The following DSCAM variants were observed in gnomAD, a reference collection of about 807,000 sequenced individuals.
The protein encoded by DSCAM is DS cell adhesion molecule.
A neutral mutation model predicts 217.7 loss-of-function variants in DSCAM; 47 were observed. The ratio of observed to expected loss-of-function variants is 0.22; its 90% confidence interval spans 0.17 to 0.28. The LOEUF (loss-of-function observed/expected upper bound fraction) is 0.28. Among genes scored for constraint, DSCAM ranks in the 10% least tolerant of loss-of-function variants. DSCAM has a pLI of 1.00. For synonymous variants in DSCAM, 1,056 were observed against 1,015.3 expected (o/e 1.04, Z -0.76); for missense variants, 2,080 against 2,618.3 (o/e 0.79, Z 4.49).
intron 3 of DSCAM, among the ~76,000 whole-genome samples, chr21:40,444,680 C>T (rs1352887414): frequency 6.6e-6 from 1 of 152,198 alleles, no homozygotes; most frequent in Non-Finnish European, 1.5e-5. Context: ...TGGGCCTGAT[C>T]CTCTTATCTG....
At chr21:40,019,633 CAGA>C (rs1374959167) in intron 32 of DSCAM, among the ~76,000 whole-genome samples, 2 of 152,128 alleles carry the variant, frequency 1.3e-5, no homozygotes, top group Non-Finnish European at 2.9e-5. Context: ...AGCAGGGATC[CAGA>C]AGAAGTCCAA....
intron 3 of DSCAM, among the ~76,000 whole-genome samples, chr21:40,548,512 A>AT (rs60589247): frequency 0.12 from 16,133 of 131,106 alleles, 1,072 homozygotes; most frequent in Non-Finnish European, 0.16. Context: ...GTAAAAAAAA[A>AT]AATATATATA....
intron 30 of DSCAM, among the ~76,000 whole-genome samples, chr21:40,050,897 A>G (rs1482694719): frequency 1.3e-5 from 2 of 152,252 alleles, no homozygotes. Flanking sequence ...TAAGAAGATT[A>G]GACAAAAGGA....
chr21:40,287,255 C>A (rs985154324), intron 10 of DSCAM, among the ~76,000 whole-genome samples: 1 of 152,226 alleles, frequency 6.6e-6, no homozygotes, highest in African/African-American at 2.4e-5. Flanking sequence ...CAGTGTGAGC[C>A]CTCTCTTGAC....
intron 1 of DSCAM, among the ~76,000 whole-genome samples, chr21:40,784,734 C>A (rs1187159582): frequency 1.3e-5 from 2 of 152,164 alleles, no homozygotes; most frequent in Non-Finnish European, 2.9e-5. Context: ...TGTTTCCTTT[C>A]CACTGTGAGA....
At chr21:40,201,771 G>A (rs1178446057) in intron 11 of DSCAM, among the ~76,000 whole-genome samples, 2 of 152,078 alleles carry the variant, frequency 1.3e-5, no homozygotes, top group African/African-American at 4.8e-5. Context: ...GTAGAAAAAG[G>A]AAAATAGTAA....
intron 32 of DSCAM, among the ~76,000 whole-genome samples, chr21:40,018,817 A>G (rs866090098): frequency 1.3e-5 from 2 of 152,366 alleles, no homozygotes; most frequent in Middle Eastern, 3.4e-3. Flanking sequence ...ACATCTTTAC[A>G]TGCAATGCCT....
intron 3 of DSCAM, among the ~76,000 whole-genome samples, chr21:40,648,948 C>A (rs1382618553): frequency 2.0e-5 from 3 of 152,190 alleles, no homozygotes; most frequent in Admixed American, 6.5e-5. Context: ...TATAGGACAG[C>A]AAGCTCAGCG....
chr21:40,649,728 G>A lies in DSCAM; in HGVS notation c.508+43082C>T, dbSNP rs79861345. On this transcript the variant is annotated intron_variant, in intron 3 of 32. Transcript: ENST00000400454. ...CACAGTGAGGTCACAAAATAGAGAT[G>A]TTGTGCAGGAAAGGTTCAGTTGAGC... Among the ~76,000 whole-genome samples the A allele has an allele frequency of 3.9e-4, 59 of 152,332 alleles. No individual in the cohort carries two copies. The East Asian group carries it at 8.9e-3, about 23-fold the overall frequency.
intron 3 of DSCAM, among the ~76,000 whole-genome samples, chr21:40,673,315 T>C (rs2146405608): frequency 6.6e-6 from 1 of 152,286 alleles, no homozygotes; most frequent in South Asian, 2.1e-4. Context: ...AAAAATGGAA[T>C]TAGAATCCAA....
chr21:40,460,264 G>A (rs1180399303), intron 3 of DSCAM, among the ~76,000 whole-genome samples: 1 of 151,758 alleles, frequency 6.6e-6, no homozygotes, highest in East Asian at 1.9e-4. Context: ...ATCCTGCACA[G>A]GTACCCCAGA....
chr21:40,774,074 A>G (rs2123400131), intron 1 of DSCAM, among the ~76,000 whole-genome samples: 1 of 152,304 alleles, frequency 6.6e-6, no homozygotes, highest in South Asian at 2.1e-4. Context: ...CTGTCCAACA[A>G]CCAGAAGGGA....
chr21:40,478,458 T>C (rs1428312420), intron 3 of DSCAM, among the ~76,000 whole-genome samples: 1 of 152,214 alleles, frequency 6.6e-6, no homozygotes, highest in Non-Finnish European at 1.5e-5. Flanking sequence ...CCAAAGTGAT[T>C]GCATGACCTT....
At chr21:40,421,971 T>G (rs946126346) in intron 3 of DSCAM, among the ~76,000 whole-genome samples, 4 of 152,308 alleles carry the variant, frequency 2.6e-5, no homozygotes, top group Admixed American at 2.6e-4. Context: ...GAGCATGTAA[T>G]GCATATGGAG....
intron 3 of DSCAM, among the ~76,000 whole-genome samples, chr21:40,563,656 ATG>A (rs1491398012): frequency 2.4e-5 from 3 of 124,520 alleles, no homozygotes; most frequent in African/African-American, 1.0e-4. Context: ...TTATATGTTT[ATG>A]TTTGTTTATA....
intron 3 of DSCAM, among the ~76,000 whole-genome samples, chr21:40,476,477 A>G (rs937381408): frequency 2.6e-5 from 4 of 152,246 alleles, no homozygotes; most frequent in African/African-American, 9.6e-5. Flanking sequence ...TCATAATAAT[A>G]TTGATGATGA....
intron 8 of DSCAM, among the ~76,000 whole-genome samples, chr21:40,313,853 G>C (rs1013889724): frequency 4.6e-5 from 7 of 152,268 alleles, no homozygotes; most frequent in South Asian, 4.1e-4. Flanking sequence ...GATTAATCAT[G>C]TGATAATCTA....
At chr21:40,362,593 C>T (rs1389075309) in intron 4 of DSCAM, among the ~76,000 whole-genome samples, 1 of 152,120 alleles carries the variant, frequency 6.6e-6, no homozygotes, top group Non-Finnish European at 1.5e-5. Flanking sequence ...TGTGTCATTT[C>T]GTTCGCATTC....
chr21:40,431,839 TG>T (rs774951212), intron 3 of DSCAM, among the ~76,000 whole-genome samples: 8 of 152,316 alleles, frequency 5.3e-5, no homozygotes, highest in Non-Finnish European at 1.0e-4. Context: ...ACTAGTTTCT[TG>T]TGGCTATTGT....
Sources: gnomAD v4.1 joint callset for allele counts (sites outside exome capture counted in the v4.1 genomes callset) on GRCh38, gnomAD v4.1.1 for gene constraint, MANE v1.5 for transcripts, NCBI Gene and HGNC (gene_info 2026-07-23, HGNC 2026-07-21) for gene names.